AUTS2: variants seen among roughly 807,000 people sequenced by gnomAD.
AUTS2 encodes autism susceptibility gene 2 protein.
Under a neutral mutation model 112.4 loss-of-function variants are expected in AUTS2, and 17 were observed. That is an observed-to-expected ratio of 0.15 (90% CI 0.10 to 0.23). AUTS2 has a LOEUF of 0.23. Among genes scored for constraint, AUTS2 ranks in the 10% least tolerant of loss-of-function variants. AUTS2 has a pLI of 1.00. For synonymous variants in AUTS2, 751 were observed against 702.7 expected (o/e 1.07, Z -1.09); for missense variants, 1,510 against 1,701.6 (o/e 0.89, Z 1.98).
intron 4 of AUTS2, among the ~76,000 whole-genome samples, chr7:70,368,064 G>A (rs1792667289): frequency 6.6e-6 from 1 of 152,116 alleles, no homozygotes; most frequent in Admixed American, 6.5e-5. Context: ...GTATGTCTCT[G>A]GGATAGTAAG....
chr7:70,135,608 A>G (rs1336321988), intron 4 of AUTS2, among the ~76,000 whole-genome samples: 1 of 152,206 alleles, frequency 6.6e-6, no homozygotes, highest in African/African-American at 2.4e-5. Flanking sequence ...TCATTAATAA[A>G]TGAGTATTTT....
chr7:70,602,413 G>C (rs1473375614), intron 5 of AUTS2, among the ~76,000 whole-genome samples: 1 of 152,166 alleles, frequency 6.6e-6, no homozygotes, highest in Non-Finnish European at 1.5e-5. Flanking sequence ...TTACCTTACA[G>C]GTTGCTAAGG....
At chr7:70,555,806 CTTTT>C (rs35481779) in intron 5 of AUTS2, among the ~76,000 whole-genome samples, 1 of 142,038 alleles carries the variant, frequency 7.0e-6, no homozygotes, top group Non-Finnish European at 1.5e-5. Context: ...CCTCAGGAAG[CTTTT>C]TTTTTTTTTT....
intron 5 of AUTS2, among the ~76,000 whole-genome samples, chr7:70,489,367 T>C (rs1798148228): frequency 6.6e-6 from 1 of 152,230 alleles, no homozygotes. Context: ...GCATTGGTTA[T>C]GTCATCAATA....
At chr7:70,007,466 T>C (rs913351482) in intron 2 of AUTS2, among the ~76,000 whole-genome samples, 3 of 152,184 alleles carry the variant, frequency 2.0e-5, no homozygotes, top group Non-Finnish European at 2.9e-5. Context: ...CTTACATTAA[T>C]ATTGTGGCCA....
chr7:70,386,974 G>A (rs1793639628), intron 4 of AUTS2, among the ~76,000 whole-genome samples: 1 of 152,062 alleles, frequency 6.6e-6, no homozygotes, highest in Non-Finnish European at 1.5e-5. Flanking sequence ...TAAGGTGGAT[G>A]CCTTCATTTG....
At chr7:69,973,567 A>T (rs904645934) in intron 2 of AUTS2, among the ~76,000 whole-genome samples, 7 of 151,974 alleles carry the variant, frequency 4.6e-5, no homozygotes, top group African/African-American at 1.7e-4. Context: ...TAGCTGTAGG[A>T]TTTTTCTCTA....
chr7:70,723,284 C>G (rs1382781634), intron 6 of AUTS2, among the ~76,000 whole-genome samples: 1 of 152,164 alleles, frequency 6.6e-6, no homozygotes, highest in Non-Finnish European at 1.5e-5. Context: ...CAACCCCTTG[C>G]AATTGCTTTG....
intron 5 of AUTS2, among the ~76,000 whole-genome samples, chr7:70,673,358 C>CT (rs1039292710): frequency 7.6e-5 from 10 of 131,790 alleles, no homozygotes; most frequent in African/African-American, 1.1e-4. Flanking sequence ...ACTTGATTGT[C>CT]TTTTTTTTTC....
intron 11 of AUTS2, among the ~76,000 whole-genome samples, chr7:70,773,177 C>T (rs949543508): frequency 2.0e-5 from 3 of 152,142 alleles, no homozygotes; most frequent in Admixed American, 6.5e-5. Flanking sequence ...CTTTTCCCCC[C>T]CTTCTCCTTG....
At chr7:70,634,098 C>T (rs1227096401) in intron 5 of AUTS2, among the ~76,000 whole-genome samples, 1 of 152,058 alleles carries the variant, frequency 6.6e-6, no homozygotes, top group African/African-American at 2.4e-5. Context: ...GTGAACAAAA[C>T]CAGCAAAAGG....
At chr7:70,385,908 A>G (rs1357576476) in intron 4 of AUTS2, among the ~76,000 whole-genome samples, 1 of 152,136 alleles carries the variant, frequency 6.6e-6, no homozygotes, top group Non-Finnish European at 1.5e-5. Context: ...CAGTTTCACC[A>G]CTTTCTTGTT....
intron 4 of AUTS2, among the ~76,000 whole-genome samples, chr7:70,330,685 G>C (rs906311951): frequency 6.6e-6 from 1 of 152,222 alleles, no homozygotes. Context: ...TTTTGATAGA[G>C]ATTGCATTGG....
chr7:70,435,642 C>G (rs1162116257), intron 4 of AUTS2, 110 bp from the exon 5 acceptor site: 1 of 1,064,532 alleles, frequency 9.4e-7, no homozygotes, highest in East Asian at 2.4e-5. Context: ...TTTTTTATTT[C>G]CTTTACTTAT....
chr7:70,094,126 T>C (rs1804064559), intron 2 of AUTS2, among the ~76,000 whole-genome samples: 1 of 152,244 alleles, frequency 6.6e-6, no homozygotes, highest in African/African-American at 2.4e-5. Flanking sequence ...CCATTTTCCC[T>C]ATAATAACCA....
At chr7:70,573,577 G>A (rs956240602) in intron 5 of AUTS2, among the ~76,000 whole-genome samples, 4 of 152,108 alleles carry the variant, frequency 2.6e-5, no homozygotes, top group Admixed American at 6.5e-5. Flanking sequence ...AACTCAGAAG[G>A]CATATGGGAA....
intron 5 of AUTS2, among the ~76,000 whole-genome samples, chr7:70,532,010 G>T (rs1423570802): frequency 6.6e-6 from 1 of 152,176 alleles, no homozygotes; most frequent in East Asian, 1.9e-4. Flanking sequence ...CTTACGTCTG[G>T]TGAATAACAG....
chr7:69,978,973 A>T (rs981869504), intron 2 of AUTS2, among the ~76,000 whole-genome samples: 5 of 151,940 alleles, frequency 3.3e-5, no homozygotes, highest in Admixed American at 3.3e-4. Context: ...ATATCTGTCT[A>T]TAAGTTTAAA....
At chr7:70,408,182 A>G (rs2130371121) in intron 4 of AUTS2, among the ~76,000 whole-genome samples, 1 of 151,880 alleles carries the variant, frequency 6.6e-6, no homozygotes, top group Non-Finnish European at 1.5e-5. Context: ...CCCTGTGGAA[A>G]AAAAAAAAAA....
Sources: allele counts gnomAD v4.1 joint callset (sites outside exome capture counted in the v4.1 genomes callset), GRCh38; gene constraint gnomAD v4.1.1; transcripts MANE v1.5; gene names NCBI Gene and HGNC (gene_info 2026-07-23, HGNC 2026-07-21).